The following TPRG1 variants were observed in gnomAD, a reference collection of about 807,000 sequenced individuals.
TPRG1 encodes the protein tumor protein p63-regulated gene 1 protein.
Under a neutral mutation model 29.3 loss-of-function variants are expected in TPRG1, and 29 were observed. That is an observed-to-expected ratio of 0.99 (90% CI 0.74 to 1.35). The LOEUF is 1.35. Ranked by LOEUF, TPRG1 falls within the 40% of genes most tolerant of loss-of-function variation. TPRG1 has a pLI of 0.00. For missense variants in TPRG1, 327 were observed against 335.0 expected (o/e 0.98, Z 0.19); for synonymous variants, 130 against 116.8 (o/e 1.11, Z -0.73).
intron 4 of TPRG1, among the ~76,000 whole-genome samples, chr3:189,057,857 C>CGTAT (rs1715830709): frequency 9.4e-6 from 1 of 106,888 alleles, no homozygotes; most frequent in Admixed American, 8.8e-5. Flanking sequence ...TATATATATA[C>CGTAT]ACACATACGT....
intron 5 of TPRG1, among the ~76,000 whole-genome samples, chr3:189,318,858 A>G (rs1362350763): frequency 6.6e-6 from 1 of 152,194 alleles, no homozygotes; most frequent in East Asian, 1.9e-4. Context: ...GAGGAACATG[A>G]ATTCTTCCCT....
chr3:189,300,015 A>C (rs534136049), intron 4 of TPRG1, among the ~76,000 whole-genome samples: 1 of 152,204 alleles, frequency 6.6e-6, no homozygotes, highest in Non-Finnish European at 1.5e-5. Flanking sequence ...ACTATGGAGC[A>C]AGGTAGAGAG....
intron 4 of TPRG1, among the ~76,000 whole-genome samples, chr3:189,280,381 A>G (rs77086132): frequency 0.087 from 13,184 of 152,296 alleles, 731 homozygotes; most frequent in East Asian, 0.15. Context: ...TTCTTTCCGT[A>G]TAGGATAAAA....
intron 4 of TPRG1, among the ~76,000 whole-genome samples, chr3:189,068,406 A>C (rs1716592239): frequency 6.6e-6 from 1 of 152,224 alleles, no homozygotes; most frequent in Non-Finnish European, 1.5e-5. Context: ...AATCAACCTA[A>C]GTGTCCATCA....
intron 1 of TPRG1, among the ~76,000 whole-genome samples, chr3:189,106,284 C>T (rs1306436725): frequency 6.6e-6 from 1 of 152,028 alleles, no homozygotes; most frequent in East Asian, 1.9e-4. Flanking sequence ...AATGTGCTTT[C>T]CCCCTTCCCC....
chr3:189,042,142 TCCTCAATTTTAGA>T lies in TPRG1; in HGVS notation c.-463+18197_-463+18209del, dbSNP rs533213126. 2.6e-4 allele frequency among the ~76,000 whole-genome samples: 40 copies of T among 152,112 alleles called. 3 individuals are homozygous for T. The South Asian group carries it at 8.3e-3, about 32-fold the overall frequency. ...CCCTAAACATTGAACAATGAAAATA[TCCTCAATTTTAGA>T]AATTAAAAAAAAATCTGAAATTATA... On this transcript the variant is annotated intron_variant, in intron 4 of 10. Coordinates refer to the TPRG1 transcript ENST00000433971.
chr3:189,229,650 G>A (rs551735393), intron 3 of TPRG1, among the ~76,000 whole-genome samples: 18 of 152,344 alleles, frequency 1.2e-4, no homozygotes, highest in Non-Finnish European at 2.1e-4. Context: ...CACCAGTCAG[G>A]AGGAAACATG....
At chr3:189,171,548 T>G (rs1037551258), upstream of TPRG1, among the ~76,000 whole-genome samples, 2 of 152,248 alleles carry the variant, frequency 1.3e-5, no homozygotes, top group Admixed American at 1.3e-4. Flanking sequence ...AGAGATTGTG[T>G]GTACATGTGT....
intron 1 of TPRG1, among the ~76,000 whole-genome samples, chr3:188,999,957 C>T (rs1381747686): frequency 6.6e-6 from 1 of 152,064 alleles, no homozygotes; most frequent in African/African-American, 2.4e-5. Flanking sequence ...AGTTTTGATA[C>T]ATATTGCCAA....
chr3:188,997,524 G>A (rs374942359), intron 1 of TPRG1, among the ~76,000 whole-genome samples: 1 of 152,152 alleles, frequency 6.6e-6, no homozygotes, highest in African/African-American at 2.4e-5. Context: ...GTGATCAGTT[G>A]TTCCAGTTTG....
chr3:189,031,277 C>T (rs1015966481), intron 4 of TPRG1, among the ~76,000 whole-genome samples: 18 of 128,404 alleles, frequency 1.4e-4, no homozygotes, highest in Non-Finnish European at 2.2e-4. Flanking sequence ...GGCGACAGAG[C>T]GAGACTCTGT....
rs973748672 is a variant in TPRG1 at position 189,014,455 on chromosome 3, C to T, written c.-659-9295C>T. On this transcript the variant is annotated intron_variant, in intron 3 of 10. Transcript: ENST00000433971. Reference sequence around the variant, plus strand: ...GCCCTTAACATTTTTTCTTTTATTTCGACCTTGGTGAATGTGATGATGATG... The same window carrying T: ...GCCCTTAACATTTTTTCTTTTATTTTGACCTTGGTGAATGTGATGATGATG... Among the ~76,000 whole-genome samples the T allele has an allele frequency of 9.9e-5, 15 of 152,146 alleles. No homozygotes were observed. In the East Asian group the frequency reaches 1.9e-3, roughly 20 times the overall value.
intron 5 of TPRG1, among the ~76,000 whole-genome samples, chr3:189,157,332 C>T (rs1308713320): frequency 6.6e-6 from 1 of 152,188 alleles, no homozygotes; most frequent in Non-Finnish European, 1.5e-5. Context: ...CCAGACCTGT[C>T]ATTGCTCAGG....
At chr3:189,158,620 A>C (rs1470078278) in intron 5 of TPRG1, among the ~76,000 whole-genome samples, 2 of 151,980 alleles carry the variant, frequency 1.3e-5, no homozygotes, top group Non-Finnish European at 2.9e-5. Flanking sequence ...AAAAATAAAA[A>C]AAAATAATAA....
At chr3:189,056,767 A>G (rs1715726096) in intron 4 of TPRG1, among the ~76,000 whole-genome samples, 2 of 152,202 alleles carry the variant, frequency 1.3e-5, no homozygotes, top group Non-Finnish European at 2.9e-5. Flanking sequence ...GATTGAATCC[A>G]TGATACTGCA....
intron 4 of TPRG1, among the ~76,000 whole-genome samples, chr3:189,259,825 G>T (rs1712673148): frequency 6.6e-6 from 1 of 152,222 alleles, no homozygotes; most frequent in East Asian, 1.9e-4. Context: ...ATTCTGAGTG[G>T]TTGAGTGACT....
chr3:189,021,394 G>A (rs1482077790), intron 3 of TPRG1, among the ~76,000 whole-genome samples: 18 of 151,962 alleles, frequency 1.2e-4, no homozygotes, highest in South Asian at 6.3e-4. Context: ...CATGTTTAGC[G>A]CTTCCTTCAG....
At chr3:189,185,999 C>T (rs533026361) in intron 1 of TPRG1, among the ~76,000 whole-genome samples, 1 of 152,164 alleles carries the variant, frequency 6.6e-6, no homozygotes, top group East Asian at 1.9e-4. Context: ...ACAATAAGAA[C>T]CTTTAATTTT....
intron 5 of TPRG1, among the ~76,000 whole-genome samples, chr3:189,314,257 T>G (rs2109336746): frequency 6.6e-6 from 1 of 152,250 alleles, no homozygotes; most frequent in South Asian, 2.1e-4. Context: ...GTTAGAAATT[T>G]AGGTCTGAAG....
Sources: allele counts gnomAD v4.1 joint callset (sites outside exome capture counted in the v4.1 genomes callset), GRCh38; gene constraint gnomAD v4.1.1; transcripts MANE v1.5; gene names NCBI Gene and HGNC (gene_info 2026-07-23, HGNC 2026-07-21).